DLGAP2: variants seen among roughly 807,000 people sequenced by gnomAD.
DLGAP2 encodes the protein disks large-associated protein 2.
In DLGAP2, 26 loss-of-function variants were observed where a neutral mutation model predicts 100.3. The ratio of observed to expected loss-of-function variants is 0.26; its 90% confidence interval spans 0.19 to 0.36. DLGAP2 has a LOEUF of 0.36. Ranked by LOEUF, DLGAP2 falls within the 10% of genes least tolerant of loss-of-function variation. The probability of loss-of-function intolerance (pLI) is 1.00; values close to 1 mark genes in which losing one functional copy is unlikely to be tolerated. For synonymous variants in DLGAP2, 886 were observed against 630.1 expected, an observed-to-expected ratio of 1.41 and a Z score of -6.08; for missense variants, 1,858 against 1,453.2, an observed-to-expected ratio of 1.28 and a Z score of -4.53.
intron 3 of DLGAP2, among the ~76,000 whole-genome samples, chr8:1,316,455 C>G (rs375800164): frequency 7.9e-6 from 1 of 126,334 alleles, no homozygotes; most frequent in Admixed American, 8.0e-5. Context: ...ACTCGAGAAA[C>G]TCGGCAGCTT....
chr8:1,446,808 A>C (rs1584913165), intron 3 of DLGAP2, among the ~76,000 whole-genome samples: 1 of 152,306 alleles, frequency 6.6e-6, no homozygotes, highest in Middle Eastern at 3.4e-3. Flanking sequence ...GGTCATTCAC[A>C]TCCCTTGTAA....
chr8:1,460,452 A>G (rs1023616654), intron 3 of DLGAP2, among the ~76,000 whole-genome samples: 2 of 152,150 alleles, frequency 1.3e-5, no homozygotes, highest in Non-Finnish European at 2.9e-5. Context: ...GAAGATTAAC[A>G]TGTCGCTTTA....
chr8:1,655,124 G>A (rs1161825754), intron 8 of DLGAP2, among the ~76,000 whole-genome samples: 2 of 152,110 alleles, frequency 1.3e-5, no homozygotes, highest in Non-Finnish European at 2.9e-5. Context: ...GCCTATCAAC[G>A]TTGCCCCAGA....
intron 2 of DLGAP2, among the ~76,000 whole-genome samples, chr8:1,055,677 T>C (rs1256883319): frequency 6.6e-6 from 1 of 152,134 alleles, no homozygotes; most frequent in Non-Finnish European, 1.5e-5. Flanking sequence ...GTCTTCCAGC[T>C]CCTCCACAAA....
At chr8:885,168 G>A (rs955004354) in intron 1 of DLGAP2, among the ~76,000 whole-genome samples, 1 of 152,212 alleles carries the variant, frequency 6.6e-6, no homozygotes, top group Admixed American at 6.5e-5. Flanking sequence ...ATTCTGTGAA[G>A]AATGTCAGTG....
At chr8:1,648,299 T>C (rs1439874925) in intron 8 of DLGAP2, among the ~76,000 whole-genome samples, 3 of 152,198 alleles carry the variant, frequency 2.0e-5, no homozygotes, top group Non-Finnish European at 2.9e-5. Flanking sequence ...CTGAGGACAA[T>C]ACTTACTCAG....
At chr8:1,185,162 G>A (rs1797473011) in intron 2 of DLGAP2, among the ~76,000 whole-genome samples, 2 of 152,150 alleles carry the variant, frequency 1.3e-5, no homozygotes, top group African/African-American at 4.8e-5. Context: ...AACACGTGCC[G>A]GGCGAATGCT....
At chr8:1,507,824 C>T (rs1799986769) in intron 4 of DLGAP2, among the ~76,000 whole-genome samples, 1 of 150,978 alleles carries the variant, frequency 6.6e-6, no homozygotes, top group Non-Finnish European at 1.5e-5. Flanking sequence ...ACCACCCTCC[C>T]TCCCAGGCAT....
intron 2 of DLGAP2, among the ~76,000 whole-genome samples, chr8:986,770 C>A (rs1800499619): frequency 6.6e-6 from 1 of 151,664 alleles, no homozygotes; most frequent in Admixed American, 6.6e-5. Flanking sequence ...AGTGATTCTC[C>A]TGCCTAAGCT....
intron 3 of DLGAP2, among the ~76,000 whole-genome samples, chr8:1,383,595 C>T (rs774267737): frequency 2.6e-5 from 4 of 152,136 alleles, no homozygotes; most frequent in African/African-American, 4.8e-5. Flanking sequence ...TGGGGAGGCT[C>T]AAAGGCTGCT....
rs184399874 is a variant in DLGAP2 at position 1,678,114 on chromosome 8, G to A, written c.2289-100G>A. On this transcript the variant is annotated intron_variant, in intron 11 of 14. Coordinates refer to ENST00000637795, the MANE Select transcript of DLGAP2 (RefSeq NM_001346810.2). ...CTACCTGCCCTTGAGCCGCCAGGCT[G>A]TTGAGCTCAGGTGCGCTCCTGACAG... The A allele has an allele frequency of 7.4e-4, 1,022 of 1,381,506 alleles. 2 individuals are homozygous for A. Among genetic ancestry groups the A allele is most frequent in the Non-Finnish European group, 9.2e-4 (938 of 1,021,236 alleles). The allele number at this position is 1,381,506 out of a possible 1,614,324, so 85.6% of individuals were successfully genotyped here. A position where few individuals can be genotyped will look rare whatever the true frequency, so the allele number is the denominator to read the frequency against.
chr8:1,413,400 A>G (rs150295120), intron 3 of DLGAP2, among the ~76,000 whole-genome samples: 122 of 152,362 alleles, frequency 8.0e-4, no homozygotes, highest in African/African-American at 2.7e-3. Flanking sequence ...TATAGTTTCA[A>G]TGCTCAAGAA....
At chr8:1,127,669 C>T (rs771123496) in intron 2 of DLGAP2, among the ~76,000 whole-genome samples, 2 of 152,180 alleles carry the variant, frequency 1.3e-5, no homozygotes, top group Non-Finnish European at 2.9e-5. Flanking sequence ...GTGCAGAACC[C>T]TGGAGGGGAG....
At chr8:1,010,620 A>G (rs1260687747) in intron 2 of DLGAP2, among the ~76,000 whole-genome samples, 2 of 152,242 alleles carry the variant, frequency 1.3e-5, no homozygotes, top group East Asian at 3.8e-4. Flanking sequence ...GCTTAATGAT[A>G]TAAACAAAAC....
chr8:1,431,728 A>G (rs982053004), intron 3 of DLGAP2, among the ~76,000 whole-genome samples: 2 of 151,708 alleles, frequency 1.3e-5, no homozygotes, highest in Non-Finnish European at 2.9e-5. Context: ...CTCCTGGGCT[A>G]TTGGGCAGCT....
chr8:1,165,743 C>A lies in DLGAP2; in HGVS notation c.74-93108C>A, dbSNP rs563474585. On this transcript the variant is annotated intron_variant, in intron 2 of 14. Transcript: ENST00000637795. ...ACAATATTATGAAGATTTGCTCTTT[C>A]AGTTTTTCTTAGGAACTCTAAAATT... Among the ~76,000 whole-genome samples, 6 of 152,136 alleles carry A rather than the reference C, an allele frequency of 3.9e-5. No homozygotes were observed. The South Asian group carries it at 1.2e-3, about 32-fold the overall frequency.
chr8:954,045 C>A (rs1799541687), intron 2 of DLGAP2, among the ~76,000 whole-genome samples: 1 of 152,190 alleles, frequency 6.6e-6, no homozygotes, highest in Non-Finnish European at 1.5e-5. Flanking sequence ...CCTATGTGTG[C>A]ACTGTTAGGC....
At chr8:1,285,312 G>A (rs1382376443) in intron 3 of DLGAP2, among the ~76,000 whole-genome samples, 2 of 152,084 alleles carry the variant, frequency 1.3e-5, no homozygotes, top group Non-Finnish European at 2.9e-5. Context: ...ATAAAACAGT[G>A]CATACATTTA....
chr8:1,653,400 G>C (rs1056412144), intron 8 of DLGAP2, among the ~76,000 whole-genome samples: 1 of 152,202 alleles, frequency 6.6e-6, no homozygotes, highest in African/African-American at 2.4e-5. Flanking sequence ...CCGAGCCCGG[G>C]TATCCCGTGG....
Sources: gnomAD v4.1 joint callset for allele counts (sites outside exome capture counted in the v4.1 genomes callset) on GRCh38, gnomAD v4.1.1 for gene constraint, MANE v1.5 for transcripts, NCBI Gene and HGNC (gene_info 2026-07-23, HGNC 2026-07-21) for gene names.